HTR2C: variants seen among roughly 807,000 people sequenced by gnomAD.
HTR2C encodes the protein 5-hydroxytryptamine receptor 2C, also known as 5-hydroxytryptamine (serotonin) receptor 2C, G protein-coupled.
A neutral mutation model predicts 21.0 loss-of-function variants in HTR2C; 5 were observed. The observed-to-expected ratio is 0.24, with a 90% CI of 0.12 to 0.50. The LOEUF (loss-of-function observed/expected upper bound fraction) is 0.50. HTR2C is among the 20% of genes least tolerant of loss of function. The pLI is 0.98. For missense variants in HTR2C, 271 were observed against 371.2 expected, an observed-to-expected ratio of 0.73 and a Z score of 2.22; for synonymous variants, 150 against 145.3, an observed-to-expected ratio of 1.03 and a Z score of -0.23.
intron 2 of HTR2C, among the ~76,000 whole-genome samples, chrX:114,620,018 T>C (rs1318331663): frequency 8.9e-6 from 1 of 111,944 alleles, no homozygotes; most frequent in Non-Finnish European, 1.9e-5. Flanking sequence ...ATATAATTTT[T>C]GGTGATGGTT....
At chrX:114,814,915 A>T (rs2070569611) in intron 4 of HTR2C, among the ~76,000 whole-genome samples, 1 of 102,658 alleles carries the variant, frequency 9.7e-6, no homozygotes, top group Admixed American at 1.1e-4. Context: ...AGTATATATC[A>T]TATAGTATAT....
At chrX:114,804,970 T>C (rs1271470900) in intron 4 of HTR2C, among the ~76,000 whole-genome samples, 1 of 111,571 alleles carries the variant, frequency 9.0e-6, no homozygotes, top group Non-Finnish European at 1.9e-5. Flanking sequence ...GGCTTATCTT[T>C]GGTGAAAAAG....
Position 114,900,453 on chromosome X carries a change from A to C in HTR2C, c.551-6136A>C, listed in dbSNP as rs782424139. 1.2e-3 allele frequency: 216 copies of C among 173,171 alleles called. 2 individuals carry two copies. Among genetic ancestry groups the C allele is most frequent in the African/African-American group, 6.1e-3 (195 of 32,068 alleles). 14.3% of individuals were successfully genotyped at this position (173,171 alleles called of 1,213,427 possible). A position where few individuals can be genotyped will look rare whatever the true frequency, so the allele number is the denominator to read the frequency against. Reference sequence around the variant, plus strand: ...GACACATAATCAAGATATGATGTCTATCTCATATCATAAAGAGCAAAATGA... The same window carrying C: ...GACACATAATCAAGATATGATGTCTCTCTCATATCATAAAGAGCAAAATGA... On this transcript the variant is annotated intron_variant, in intron 5 of 5. Coordinates refer to ENST00000276198, the MANE Select transcript of HTR2C (RefSeq NM_000868.4).
chrX:114,752,314 G>A (rs1414106967), intron 4 of HTR2C, among the ~76,000 whole-genome samples: 1 of 111,698 alleles, frequency 9.0e-6, no homozygotes, highest in African/African-American at 3.3e-5. Context: ...TATGTAATTT[G>A]TGAAAATCTC....
chrX:114,787,557 T>C, intron 4 of HTR2C, among the ~76,000 whole-genome samples: 1 of 111,881 alleles, frequency 8.9e-6, no homozygotes, highest in Non-Finnish European at 1.9e-5. Context: ...AGGAAAAATA[T>C]AAAACGGCCA....
chrX:114,628,384 G>A (rs1454762682), intron 2 of HTR2C, among the ~76,000 whole-genome samples: 3 of 102,911 alleles, frequency 2.9e-5, no homozygotes, highest in African/African-American at 7.1e-5. Context: ...GACTACAGGC[G>A]TGCACCACCA....
rs1171141591 is a variant in HTR2C at position 114,908,782 on chromosome X, T to G, written c.*1367T>G. On this transcript the variant is annotated 3_prime_UTR_variant, in exon 6 of 6. Coordinates refer to ENST00000276198, the MANE Select transcript of HTR2C (RefSeq NM_000868.4). ...TGCTCTCTAAGAATTCAGTAGCATT[T>G]TAATAGTTTCTAAACCATGAAAAGT... 8.9e-6 allele frequency: 1 copy of G among 112,757 alleles called. No individual in the cohort carries two copies. The highest frequency in any genetic ancestry group is 1.9e-5 in the Non-Finnish European group (1 of 53,296). The allele number at this position is 112,757 out of a possible 1,213,427, so 9.3% of individuals were successfully genotyped here.
chrX:114,793,208 CAT>C (rs782477552), intron 4 of HTR2C, among the ~76,000 whole-genome samples: 2 of 111,377 alleles, frequency 1.8e-5, no homozygotes, highest in African/African-American at 6.5e-5. Flanking sequence ...TGCCTACAGA[CAT>C]ATAATACTTT....
intron 4 of HTR2C, among the ~76,000 whole-genome samples, chrX:114,830,158 T>C (rs1479870836): frequency 9.0e-6 from 1 of 111,401 alleles, no homozygotes; most frequent in Non-Finnish European, 1.9e-5. Context: ...TGGTGTATAG[T>C]GGTGTTGCCA....
At chrX:114,611,690 GT>G (rs200906880) in intron 1 of HTR2C, among the ~76,000 whole-genome samples, 42 of 110,658 alleles carry the variant, frequency 3.8e-4, no homozygotes, top group Admixed American at 1.8e-3. Flanking sequence ...CAAAGTTGTG[GT>G]TTTTTTTAGT....
intron 2 of HTR2C, among the ~76,000 whole-genome samples, chrX:114,667,273 A>G (rs927133554): frequency 2.7e-5 from 3 of 111,253 alleles, no homozygotes; most frequent in Non-Finnish European, 5.7e-5. Context: ...TATTCTCTGT[A>G]ACAGGATGCT....
intron 1 of HTR2C, among the ~76,000 whole-genome samples, chrX:114,609,527 T>C (rs1017372485): frequency 9.0e-5 from 10 of 111,549 alleles, no homozygotes; most frequent in African/African-American, 2.0e-4. Context: ...CCACGTTCGG[T>C]TGGACTTCTG....
At chrX:114,791,824 A>G (rs1311468748) in intron 4 of HTR2C, among the ~76,000 whole-genome samples, 5 of 111,775 alleles carry the variant, frequency 4.5e-5, no homozygotes, top group African/African-American at 3.2e-5. Flanking sequence ...TTTTAATTAA[A>G]TAATTATAAA....
chrX:114,802,955 C>T (rs1450317802), intron 4 of HTR2C, among the ~76,000 whole-genome samples: 1 of 77,591 alleles, frequency 1.3e-5, no homozygotes, highest in Non-Finnish European at 2.4e-5. Flanking sequence ...TTGTTCAATT[C>T]CCACCTATGA....
chrX:114,715,648 T>C (rs1181649742), intron 2 of HTR2C, among the ~76,000 whole-genome samples: 1 of 111,774 alleles, frequency 8.9e-6, no homozygotes, highest in Non-Finnish European at 1.9e-5. Flanking sequence ...TATACTGTGA[T>C]GGAGAGTAGC....
At chrX:114,658,129 C>A (rs983564804) in intron 2 of HTR2C, among the ~76,000 whole-genome samples, 5 of 111,414 alleles carry the variant, frequency 4.5e-5, no homozygotes, top group African/African-American at 1.6e-4. Flanking sequence ...TTTAATTTAA[C>A]TTATTTTAAT....
At chrX:114,728,012 G>C (rs914897777) in intron 3 of HTR2C, among the ~76,000 whole-genome samples, 30 of 111,767 alleles carry the variant, frequency 2.7e-4, no homozygotes, top group African/African-American at 9.4e-4. Flanking sequence ...CAAAGTGTAG[G>C]ACTGCCGTAA....
intron 1 of HTR2C, among the ~76,000 whole-genome samples, chrX:114,592,340 A>G (rs1556391351): frequency 8.9e-6 from 1 of 112,329 alleles, no homozygotes; most frequent in Non-Finnish European, 1.9e-5. Context: ...AAGTAATTTG[A>G]ATTTTTACCA....
intron 5 of HTR2C, among the ~76,000 whole-genome samples, chrX:114,883,262 A>G (rs907924031): frequency 1.8e-5 from 2 of 110,591 alleles, no homozygotes; most frequent in Admixed American, 9.7e-5. Flanking sequence ...TCTGTCATCT[A>G]TCTACCTATC....
Sources: allele counts gnomAD v4.1 joint callset (sites outside exome capture counted in the v4.1 genomes callset), GRCh38; gene constraint gnomAD v4.1.1; transcripts MANE v1.5; gene names NCBI Gene and HGNC (gene_info 2026-07-23, HGNC 2026-07-21).